The following ANKS4B variants were observed in gnomAD, a reference collection of about 807,000 sequenced individuals.
ANKS4B encodes ankyrin repeat and sterile alpha motif domain containing 4B, also known as ankyrin repeat and SAM domain-containing protein 4B.
In ANKS4B, 21 loss-of-function variants were observed where a neutral mutation model predicts 20.2. The ratio of observed to expected loss-of-function variants is 1.04; its 90% CI spans 0.74 to 1.50. The LOEUF is 1.50. Among genes scored for constraint, ANKS4B ranks in the 40% most tolerant of loss-of-function variants. The pLI is 0.00. For missense variants in ANKS4B, 473 were observed against 494.6 expected (o/e 0.96, Z 0.41); for synonymous variants, 179 against 194.5 (o/e 0.92, Z 0.66).
chr16:21,243,451 C>A (rs1456405864), intron 1 of ANKS4B, among the ~76,000 whole-genome samples: 2 of 152,170 alleles, frequency 1.3e-5, no homozygotes, highest in Non-Finnish European at 2.9e-5. Flanking sequence ...GAAATGTGAA[C>A]AATGACAAGT....
intron 1 of ANKS4B, among the ~76,000 whole-genome samples, chr16:21,245,764 CTA>C (rs1416309705): frequency 6.6e-6 from 1 of 152,046 alleles, no homozygotes; most frequent in Non-Finnish European, 1.5e-5. Flanking sequence ...CTCACCTGGC[CTA>C]TAAGTGATTT....
At chr16:21,234,882 C>A (rs1410051982) in intron 1 of ANKS4B, among the ~76,000 whole-genome samples, 2 of 152,122 alleles carry the variant, frequency 1.3e-5, no homozygotes, top group African/African-American at 4.8e-5. Flanking sequence ...CAGGGTCTCA[C>A]TCTGTCACTC....
chr16:21,250,289 G>A lies in ANKS4B; in HGVS notation c.723G>A (p.Ser241=), dbSNP rs749814184. The A allele has an allele frequency of 5.2e-5, 84 of 1,614,094 alleles. No homozygotes were observed. The highest frequency in any genetic ancestry group is 6.3e-5 in the Non-Finnish European group (74 of 1,180,046). ...MEVFREEEED[S]FSGDFKEKLQ... Reference sequence around the variant, plus strand: ...TGTTCAGAGAGGAAGAGGAAGACTCGTTCTCAGGGGACTTCAAAGAGAAGC... The same window carrying A: ...TGTTCAGAGAGGAAGAGGAAGACTCATTCTCAGGGGACTTCAAAGAGAAGC... The change falls in exon 2 of 2, where the codon TCG becomes TCA. Residue 241 remains serine, a synonymous_variant. Coordinates refer to ENST00000311620, the MANE Select transcript of ANKS4B (RefSeq NM_145865.3).
chr16:21,244,753 G>A (rs1359745080), intron 1 of ANKS4B, among the ~76,000 whole-genome samples: 1 of 152,086 alleles, frequency 6.6e-6, no homozygotes, highest in Non-Finnish European at 1.5e-5. Flanking sequence ...CTTAAGATGC[G>A]GGTCTGTGCC....
At chr16:21,248,865 G>A (rs2093335428) in intron 1 of ANKS4B, among the ~76,000 whole-genome samples, 1 of 152,066 alleles carries the variant, frequency 6.6e-6, no homozygotes, top group Admixed American at 6.5e-5. Flanking sequence ...ATATCTACAT[G>A]GGGGAAATAG....
In ANKS4B at chr16:21,251,587, C is replaced by T. The variant is rs1203581266; in HGVS notation, c.*767C>T. 1 of 152,196 alleles carries T rather than the reference C, an allele frequency of 6.6e-6. No individual in the cohort carries two copies. The highest frequency in any genetic ancestry group is 1.5e-5 in the Non-Finnish European group (1 of 68,046). The allele number at this position is 152,196 out of a possible 1,614,324, so 9.4% of individuals were successfully genotyped here. A position where few individuals can be genotyped will look rare whatever the true frequency, so the allele number is the denominator to read the frequency against. On this transcript the variant is annotated 3_prime_UTR_variant, in exon 2 of 2. Coordinates refer to ENST00000311620, the MANE Select transcript of ANKS4B (RefSeq NM_145865.3). The stretch of plus-strand genomic sequence containing the variant: ...TCTTTTTCTCTCCTGAGATCTATGA[C>T]TTTGCCTAGTGGTAGAGACTAGAGT...
At position 21,250,149 on chromosome 16, in the gene ANKS4B, G is replaced by T; in HGVS notation, c.583G>T (p.Gly195Trp). 6.2e-7 allele frequency: 1 copy of T among 1,614,102 alleles called. No individual in the cohort carries two copies. Among genetic ancestry groups the T allele is most frequent in the Admixed American group, 1.7e-5 (1 of 60,018 alleles). ...AAATGCTTCTGCTCCTGGCACATTC[G>T]GGTCACTATCTAAGGGCATTAAAGA... Reference protein sequence around the residue: ...PSNASAPGTFGSLSKGIKDTF... With the variant: ...PSNASAPGTFWSLSKGIKDTF... The change falls in exon 2 of 2, where the codon GGG becomes TGG. Residue 195 changes from glycine to tryptophan, a missense_variant. Coordinates refer to ENST00000311620, the MANE Select transcript of ANKS4B (RefSeq NM_145865.3).
At chr16:21,247,349 GTC>G (rs1285017832) in intron 1 of ANKS4B, among the ~76,000 whole-genome samples, 1 of 152,046 alleles carries the variant, frequency 6.6e-6, no homozygotes, top group Non-Finnish European at 1.5e-5. Flanking sequence ...AGGCATGAGA[GTC>G]TTCTGAACTT....
chr16:21,249,712 T>C lies in ANKS4B; in HGVS notation c.165-19T>C, dbSNP rs746962210. On this transcript the variant is annotated intron_variant, in intron 1 of 1. Coordinates refer to ENST00000311620, the MANE Select transcript of ANKS4B (RefSeq NM_145865.3). ...AAAAAAAGTCCAACATGTATTTTTT[T>C]TCTCTCTCTCTCTTCTAGAGGGGAC... 1.4e-4 allele frequency: 210 copies of C among 1,550,614 alleles called. No homozygotes were observed. Among genetic ancestry groups the C allele is most frequent in the Non-Finnish European group, 1.7e-4 (194 of 1,147,326 alleles).
intron 1 of ANKS4B, among the ~76,000 whole-genome samples, chr16:21,238,134 C>T (rs1332647698): frequency 6.6e-6 from 1 of 152,200 alleles, no homozygotes. Flanking sequence ...CAGGCAACTG[C>T]ACTCCAGCCT....
Position 21,250,059 on chromosome 16 carries a change from T to C in ANKS4B, c.493T>C (p.Tyr165His). Reference protein sequence around the residue: ...EKHQNKMAHTYSKEESGTLSS... With the variant: ...EKHQNKMAHTHSKEESGTLSS... ...GCACCAAAATAAGATGGCCCACACC[T>C]ACAGCAAGGAGGAATCCGGGACTCT... is the stretch of plus-strand genomic sequence containing the variant. Residue 165 changes from tyrosine (Y) to histidine (H), a missense_variant, in exon 2 of 2, where the codon TAC (tyrosine) becomes CAC (histidine). By Grantham distance (83) the Tyr-to-His change is moderately conservative. Transcript: ENST00000311620. 2 of 1,614,148 alleles carry C rather than the reference T, an allele frequency of 1.2e-6. No homozygotes were observed. The highest frequency in any genetic ancestry group is 1.7e-6 in the Non-Finnish European group (2 of 1,180,020).
At chr16:21,234,476 GGATA>G (rs1304728873) in intron 1 of ANKS4B, among the ~76,000 whole-genome samples, 1 of 116,926 alleles carries the variant, frequency 8.6e-6, no homozygotes, top group East Asian at 2.9e-4. Context: ...TTTGGCTAGT[GGATA>G]GATACACACA....
At position 21,251,791 on chromosome 16, in the gene ANKS4B, A is replaced by C. The variant is rs1358713213; in HGVS notation, c.*971A>C. The stretch of plus-strand genomic sequence containing the variant: ...TACAGGTGGTACCTGTTGTGGACTG[A>C]ATTGCGTCAAATTCATATGTTGGAG... On this transcript the variant is annotated 3_prime_UTR_variant, in exon 2 of 2. Transcript: ENST00000311620. 6.6e-6 allele frequency: 1 copy of C among 152,194 alleles called. No individual in the cohort carries two copies. Among genetic ancestry groups the C allele is most frequent in the Non-Finnish European group, 1.5e-5 (1 of 68,038 alleles). 9.4% of individuals were successfully genotyped at this position (152,194 alleles called of 1,614,324 possible).
Position 21,250,771 on chromosome 16 carries a change from G to T in ANKS4B, c.1205G>T (p.Arg402Met), listed in dbSNP as rs770069300. Residue 402 changes from arginine to methionine, a missense_variant, in exon 2 of 2, where the codon AGG (arginine) becomes ATG (methionine). Physicochemically the swap from Arg to Met is moderately conservative, Grantham distance 91. Transcript: ENST00000311620. Reference protein sequence around the residue: ...RKKVLNAINRRKQVLQQPGQL... With the variant: ...RKKVLNAINRMKQVLQQPGQL... ...AAAGTTCTGAATGCTATCAACAGGA[G>T]GAAGCAGGTGCTTCAACAGCCTGGG... The T allele has an allele frequency of 1.9e-6, 3 of 1,603,432 alleles. No individual in the cohort carries two copies. Among genetic ancestry groups the T allele is most frequent in the Non-Finnish European group, 2.6e-6 (3 of 1,171,362 alleles).
intron 1 of ANKS4B, among the ~76,000 whole-genome samples, chr16:21,234,197 G>C (rs1314865525): frequency 1.3e-5 from 2 of 151,994 alleles, no homozygotes; most frequent in African/African-American, 4.8e-5. Context: ...CTTTAAAAAT[G>C]CTTTTCATGA....
rs2093330964 is a variant in ANKS4B, at chr16:21,245,266, C to T, written c.165-4465C>T. Among the ~76,000 whole-genome samples the T allele has an allele frequency of 2.0e-5, 3 of 152,096 alleles. No individual in the cohort carries two copies. In the South Asian group the frequency reaches 6.2e-4, roughly 32 times the overall value. On this transcript the variant is annotated intron_variant, in intron 1 of 1. Transcript: ENST00000311620. ...AGGTGGAGTATGCATTTAACTGTGACTTTGTTGAAAGAGCAAACTTGGCCC... is the reference window on the plus strand; with the variant it reads ...AGGTGGAGTATGCATTTAACTGTGATTTTGTTGAAAGAGCAAACTTGGCCC...
In ANKS4B at chr16:21,235,568, G is replaced by A. The variant is rs942088251; in HGVS notation, c.164+1667G>A. Among the ~76,000 whole-genome samples the A allele has an allele frequency of 3.9e-5, 6 of 152,274 alleles. No individual in the cohort carries two copies. In the East Asian group the frequency reaches 7.7e-4, roughly 20 times the overall value. On this transcript the variant is annotated intron_variant, in intron 1 of 1. Coordinates refer to ENST00000311620, the MANE Select transcript of ANKS4B (RefSeq NM_145865.3). ...ATGTTTGGGGACTGTTTTAGTGGTC[G>A]AGATGAGTTGGACTAGGGTAGTGAC...
rs1281706514 is a variant in ANKS4B at position 21,251,529 on chromosome 16, G to C, written c.*709G>C. 6.6e-6 allele frequency: 1 copy of C among 152,196 alleles called. No homozygotes were observed. The highest frequency in any genetic ancestry group is 1.5e-5 in the Non-Finnish European group (1 of 68,046). 9.4% of individuals were successfully genotyped at this position (152,196 alleles called of 1,614,324 possible). On this transcript the variant is annotated 3_prime_UTR_variant, in exon 2 of 2. Transcript: ENST00000311620. ...ATCTCATCACATTATCCTGCTGCTTGCTTTCCGATCTGTGTAACCTGGGAA... is the reference window on the plus strand; with the variant it reads ...ATCTCATCACATTATCCTGCTGCTTCCTTTCCGATCTGTGTAACCTGGGAA...
chr16:21,240,294 T>TC (rs2152859383), intron 1 of ANKS4B, among the ~76,000 whole-genome samples: 1 of 152,202 alleles, frequency 6.6e-6, no homozygotes, highest in East Asian at 1.9e-4. Flanking sequence ...TCCCCCAGAT[T>TC]CTTTTTTTTT....
Sources: allele counts gnomAD v4.1 joint callset (sites outside exome capture counted in the v4.1 genomes callset), GRCh38; gene constraint gnomAD v4.1.1; transcripts MANE v1.5; gene names NCBI Gene and HGNC (gene_info 2026-07-23, HGNC 2026-07-21).